The following RABGAP1L variants were observed in gnomAD, a reference collection of about 807,000 sequenced individuals.
RABGAP1L encodes RAB GTPase activating protein 1 like, also known as rab GTPase-activating protein 1-like.
A neutral mutation model predicts 137.7 loss-of-function variants in RABGAP1L; 63 were observed. The ratio of observed to expected loss-of-function variants is 0.46; its 90% confidence interval spans 0.37 to 0.56. The LOEUF (loss-of-function observed/expected upper bound fraction) is 0.56, where lower values mean the gene tolerates loss of function less well. Among genes scored for constraint, RABGAP1L ranks in the 20% least tolerant of loss-of-function variants. The probability of loss-of-function intolerance (pLI) is 0.00; values close to 1 mark genes in which losing one functional copy is unlikely to be tolerated. For synonymous variants in RABGAP1L, 431 were observed against 433.7 expected (o/e 0.99, Z 0.08); for missense variants, 1,095 against 1,244.0 (o/e 0.88, Z 1.80).
At chr1:174,678,453 A>C (rs942940002) in intron 14 of RABGAP1L, among the ~76,000 whole-genome samples, 4 of 151,312 alleles carry the variant, frequency 2.6e-5, no homozygotes, top group African/African-American at 7.3e-5. Context: ...TTCTCAAAAA[A>C]CCCCCACAAA....
intron 17 of RABGAP1L, among the ~76,000 whole-genome samples, chr1:174,720,290 T>TAGACAGACAGAC (rs1553241062): frequency 9.2e-5 from 13 of 141,738 alleles, no homozygotes; most frequent in Middle Eastern, 3.5e-3. Context: ...GATAGATAGA[T>TAGACAGACAGAC]AGACAGACAG....
intron 13 of RABGAP1L, among the ~76,000 whole-genome samples, chr1:174,497,644 C>T (rs141736164): frequency 7.2e-4 from 110 of 152,200 alleles, no homozygotes; most frequent in Non-Finnish European, 1.4e-3. Flanking sequence ...TTCTTATGCT[C>T]CTCTTTCCCT....
chr1:174,409,042 C>A (rs1386514962), intron 13 of RABGAP1L, among the ~76,000 whole-genome samples: 2 of 152,002 alleles, frequency 1.3e-5, no homozygotes, highest in Non-Finnish European at 2.9e-5. Flanking sequence ...AGTTTCTTTT[C>A]CTGTGCAGAA....
intron 19 of RABGAP1L, among the ~76,000 whole-genome samples, chr1:174,936,971 A>ATTTTTTTTTTTTTTT (rs909397955): frequency 6.9e-5 from 7 of 101,548 alleles, no homozygotes; most frequent in African/African-American, 3.1e-4. Context: ...TATAAGATTA[A>ATTTTTTTTTTTTTTT]TTTTTTTTTT....
rs1447883136 is a variant in RABGAP1L at position 174,911,863 on chromosome 1, T to C, written c.2341-45594T>C. Among the ~76,000 whole-genome samples the C allele has an allele frequency of 2.6e-5, 4 of 152,230 alleles. No homozygotes were observed. The East Asian group carries it at 7.7e-4, about 29-fold the overall frequency. On this transcript the variant is annotated intron_variant, in intron 19 of 25. Coordinates refer to ENST00000681986, the MANE Select transcript of RABGAP1L (RefSeq NM_001366446.1). The stretch of plus-strand genomic sequence containing the variant: ...TCCATATCCAAATGAAACAGATGAC[T>C]GTGTTCTGTTCTGTAGATTTTACTA...
intron 13 of RABGAP1L, among the ~76,000 whole-genome samples, chr1:174,559,264 A>C (rs1187369043): frequency 2.6e-5 from 4 of 152,210 alleles, no homozygotes; most frequent in Admixed American, 6.5e-5. Context: ...CAAGGTAATA[A>C]AAATTTCAAC....
chr1:174,946,976 G>A (rs187772892), intron 19 of RABGAP1L, among the ~76,000 whole-genome samples: 7,745 of 112,378 alleles, frequency 0.069, 538 homozygotes, highest in Non-Finnish European at 0.083. Context: ...GTGTGTGTGT[G>A]TGTGTATATA....
In RABGAP1L at chr1:174,994,093, G is replaced by A. The variant is rs1026933782; in HGVS notation, c.*4092G>A. Reference sequence around the variant, plus strand: ...TAAAACTCTTTCTCGTCGCCATGCTGATAGTCACACTGAACTAGAACTGTC... The same window carrying A: ...TAAAACTCTTTCTCGTCGCCATGCTAATAGTCACACTGAACTAGAACTGTC... On this transcript the variant is annotated 3_prime_UTR_variant, in exon 26 of 26. Transcript: ENST00000681986. 5 of 152,222 alleles carry A rather than the reference G, an allele frequency of 3.3e-5. No individual in the cohort carries two copies. Among genetic ancestry groups the A allele is most frequent in the Admixed American group, 6.5e-5 (1 of 15,288 alleles). The allele number at this position is 152,222 out of a possible 1,614,324, so 9.4% of individuals were successfully genotyped here.
chr1:174,755,548 G>A (rs750674785), intron 18 of RABGAP1L, among the ~76,000 whole-genome samples: 13 of 152,036 alleles, frequency 8.6e-5, no homozygotes, highest in Non-Finnish European at 1.6e-4. Context: ...TGCTTATTTC[G>A]TGTCCTACAT....
chr1:174,517,952 A>G (rs1376711884), intron 13 of RABGAP1L, among the ~76,000 whole-genome samples: 4 of 152,102 alleles, frequency 2.6e-5, no homozygotes, highest in Non-Finnish European at 5.9e-5. Context: ...TAGGAAAAAT[A>G]TTTTCTGGTG....
intron 13 of RABGAP1L, among the ~76,000 whole-genome samples, chr1:174,485,341 T>C (rs1434149445): frequency 6.6e-6 from 1 of 152,186 alleles, no homozygotes; most frequent in Non-Finnish European, 1.5e-5. Flanking sequence ...TCCTTCTCTT[T>C]TCTGACTGCT....
chr1:174,305,480 G>C lies in RABGAP1L; in HGVS notation c.1465+353G>C, dbSNP rs558538194. ...GCTCCCTGCAACCTCTGCCTCCCGG[G>C]TTCAAACAATTCTCCTGCCTCAGCC... On this transcript the variant is annotated intron_variant, in intron 11 of 25. Transcript: ENST00000681986. Among the ~76,000 whole-genome samples, 3 of 152,222 alleles carry C rather than the reference G, an allele frequency of 2.0e-5. No homozygotes were observed. In the South Asian group the frequency reaches 6.2e-4, roughly 32 times the overall value.
At chr1:174,804,255 G>GTTTGTTTTGT (rs1192750210) in intron 18 of RABGAP1L, among the ~76,000 whole-genome samples, 4 of 67,262 alleles carry the variant, frequency 5.9e-5, no homozygotes, top group African/African-American at 1.3e-4. Context: ...TTTTTTTTTT[G>GTTTGTTTTGT]TTTGTTTTGT....
At chr1:174,801,530 A>G (rs957740155) in intron 18 of RABGAP1L, among the ~76,000 whole-genome samples, 5 of 152,246 alleles carry the variant, frequency 3.3e-5, no homozygotes, top group Non-Finnish European at 5.9e-5. Flanking sequence ...ATAGCCATGT[A>G]AATAAGAAAT....
At chr1:174,327,029 C>G (rs1347390367) in intron 11 of RABGAP1L, among the ~76,000 whole-genome samples, 2 of 152,052 alleles carry the variant, frequency 1.3e-5, no homozygotes, top group East Asian at 3.9e-4. Flanking sequence ...AGGGAATTCC[C>G]TGTAACCAGA....
At chr1:174,240,222 T>C (rs1364237007) in intron 4 of RABGAP1L, among the ~76,000 whole-genome samples, 1 of 131,334 alleles carries the variant, frequency 7.6e-6, no homozygotes, top group East Asian at 2.3e-4. Context: ...TAGGATTTGT[T>C]TTGTTTTGTT....
chr1:174,620,886 A>G (rs1672390374), intron 13 of RABGAP1L, among the ~76,000 whole-genome samples: 2 of 152,186 alleles, frequency 1.3e-5, no homozygotes, highest in African/African-American at 4.8e-5. Flanking sequence ...ATAGACCACT[A>G]GCAAGACTAA....
intron 13 of RABGAP1L, among the ~76,000 whole-genome samples, chr1:174,532,754 A>G (rs547524440): frequency 5.3e-5 from 8 of 152,222 alleles, no homozygotes; most frequent in Non-Finnish European, 7.3e-5. Flanking sequence ...AGTGTATTAC[A>G]TATAACGGAA....
chr1:174,557,514 T>C (rs1267904907), intron 13 of RABGAP1L, among the ~76,000 whole-genome samples: 2 of 152,206 alleles, frequency 1.3e-5, no homozygotes, highest in Non-Finnish European at 2.9e-5. Flanking sequence ...CACCATAACC[T>C]TGATGTAAGA....
Sources: allele counts gnomAD v4.1 joint callset (sites outside exome capture counted in the v4.1 genomes callset), GRCh38; gene constraint gnomAD v4.1.1; transcripts MANE v1.5; gene names NCBI Gene and HGNC (gene_info 2026-07-23, HGNC 2026-07-21).